The following LYST variants were observed in gnomAD, a reference collection of about 807,000 sequenced individuals.
LYST encodes the protein lysosomal-trafficking regulator.
Under a neutral mutation model 413.6 loss-of-function variants are expected in LYST, and 192 were observed. That is an observed-to-expected ratio of 0.46 (90% confidence interval 0.41 to 0.52). The LOEUF (loss-of-function observed/expected upper bound fraction) is 0.52, where lower values mean the gene tolerates loss of function less well. LYST is among the 20% of genes least tolerant of loss of function. The probability of loss-of-function intolerance (pLI) is 0.00; values close to 1 mark genes in which losing one functional copy is unlikely to be tolerated. For synonymous variants in LYST, 1,525 were observed against 1,567.3 expected, an observed-to-expected ratio of 0.97 and a Z score of 0.64; for missense variants, 3,815 against 4,499.9, an observed-to-expected ratio of 0.85 and a Z score of 4.35.
At chr1:235,805,054 T>A (rs1672660257) in intron 6 of LYST, among the ~76,000 whole-genome samples, 1 of 152,172 alleles carries the variant, frequency 6.6e-6, no homozygotes, top group African/African-American at 2.4e-5. Context: ...AGGCTGGAAC[T>A]GAAGTAGGAA....
intron 1 of LYST, among the ~76,000 whole-genome samples, chr1:235,839,248 C>CAT (rs1219975261): frequency 4.2e-4 from 61 of 144,468 alleles, no homozygotes; most frequent in Admixed American, 7.5e-4. Context: ...TGTATGTGTG[C>CAT]ATATATATAT....
At chr1:235,760,591 T>C (rs1436324072) in intron 22 of LYST, among the ~76,000 whole-genome samples, 7 of 152,124 alleles carry the variant, frequency 4.6e-5, no homozygotes, top group African/African-American at 7.2e-5. Flanking sequence ...ACCTGTGGGA[T>C]TGTTGGGACT....
chr1:235,878,140 TTCACACGTGTTGGC>T (rs958908343), intron 1 of LYST, among the ~76,000 whole-genome samples: 1 of 152,338 alleles, frequency 6.6e-6, no homozygotes, highest in Admixed American at 6.5e-5. Context: ...ATCCTGTCAC[TTCACACGTGTTGGC>T]AAGGTAGGGT....
At chr1:235,802,766 GA>G (rs1672388061) in intron 8 of LYST, 141 bp downstream of exon 8, 1 of 748,520 alleles carries the variant, frequency 1.3e-6, no homozygotes, top group East Asian at 2.7e-5. Context: ...AGACTGTTGG[GA>G]AGATCAATAA....
chr1:235,763,456 T>G (rs528813746), intron 21 of LYST, among the ~76,000 whole-genome samples: 15 of 152,252 alleles, frequency 9.9e-5, no homozygotes, highest in Middle Eastern at 6.8e-3. Flanking sequence ...TTCTACTGAC[T>G]TTTTCCCTTT....
At position 235,661,500 on chromosome 1, in the gene LYST, A is replaced by C. The variant is rs986077718; in HGVS notation, c.*1440T>G. The C allele has an allele frequency of 4.6e-5, 7 of 152,328 alleles. No individual in the cohort carries two copies. Among genetic ancestry groups the C allele is most frequent in the African/African-American group, 1.7e-4 (7 of 41,460 alleles). The allele number at this position is 152,328 out of a possible 1,614,324, so 9.4% of individuals were successfully genotyped here. Reference sequence around the variant, plus strand: ...GCACACGGTGATCTAAATGCAGCCTAGGTATCACTACATGTGTATGCAGTT... The same window carrying C: ...GCACACGGTGATCTAAATGCAGCCTCGGTATCACTACATGTGTATGCAGTT... On this transcript the variant is annotated 3_prime_UTR_variant, in exon 53 of 53. Coordinates refer to ENST00000389793, the MANE Select transcript of LYST (RefSeq NM_000081.4).
At chr1:235,859,536 C>A (rs1197142984) in intron 1 of LYST, among the ~76,000 whole-genome samples, 3 of 150,060 alleles carry the variant, frequency 2.0e-5, no homozygotes, top group Admixed American at 2.0e-4. Context: ...ATATCTGACT[C>A]AGTTTCAACA....
In LYST at chr1:235,733,551, C is replaced by T; in HGVS notation, c.8753G>A (p.Ser2918Asn). 6.2e-7 allele frequency: 1 copy of T among 1,613,992 alleles called. No individual in the cohort carries two copies. Among genetic ancestry groups the T allele is most frequent in the Non-Finnish European group, 8.5e-7 (1 of 1,179,920 alleles). ...AAGTTCCTGCCAATGTCTGCTGGCA[C>T]TCAAATCTACTTTATACATTCCTCT... ...HIRGMYKVDL[S>N]ASRHWQELIQ... Residue 2918 changes from serine (S) to asparagine (N), a missense_variant, in exon 34 of 53, where the codon AGT (serine) becomes AAT (asparagine). Around this residue, in one of 4 missense-constraint regions of LYST, gnomAD observed 866 missense variants for 1,156.0 expected, o/e 0.75. Transcript: ENST00000389793.
In LYST at chr1:235,709,231, G is replaced by A; in HGVS notation, c.10003C>T (p.Arg3335Cys). ...NLPPWARNDP[R>C]LFILIHRQAL... ...TGCCGATGGATGAGGATAAAAAGAC[G>A]AGGATCATTACGCGCCCAAGGGGGA... Residue 3335 changes from arginine to cysteine, a missense_variant, in exon 44 of 53, where the codon CGT becomes TGT. Around this residue, in one of 4 missense-constraint regions of LYST, gnomAD observed 866 missense variants for 1,156.0 expected, o/e 0.75. Coordinates refer to ENST00000389793, the MANE Select transcript of LYST (RefSeq NM_000081.4). 6.2e-7 allele frequency: 1 copy of A among 1,614,130 alleles called. No individual in the cohort carries two copies. The highest frequency in any genetic ancestry group is 1.1e-5 in the South Asian group (1 of 91,084).
intron 1 of LYST, among the ~76,000 whole-genome samples, chr1:235,853,861 A>AT (rs1678848659): frequency 6.6e-6 from 1 of 152,144 alleles, no homozygotes; most frequent in Non-Finnish European, 1.5e-5. Flanking sequence ...CAGGTAGTTC[A>AT]TTTTTCCTAA....
intron 28 of LYST, chr1:235,747,479 T>C: frequency 5.1e-6 from 1 of 195,806 alleles, no homozygotes; most frequent in South Asian, 7.1e-5. Context: ...TGCTCAGTAT[T>C]TTGGGTAATT....
intron 12 of LYST, among the ~76,000 whole-genome samples, 165 bp from the exon 13 acceptor site, chr1:235,789,010 A>T (rs1357111939): frequency 6.6e-6 from 1 of 152,194 alleles, no homozygotes; most frequent in African/African-American, 2.4e-5. Context: ...CAGAGTATAG[A>T]TGTTAACTCC....
intron 45 of LYST, among the ~76,000 whole-genome samples, chr1:235,699,395 T>C (rs1281870081): frequency 6.6e-6 from 1 of 152,216 alleles, no homozygotes; most frequent in Non-Finnish European, 1.5e-5. Flanking sequence ...GCTTCATCCA[T>C]GTCCCTGCAA....
chr1:235,820,897 A>G (rs1350125530), intron 3 of LYST, among the ~76,000 whole-genome samples: 1 of 152,180 alleles, frequency 6.6e-6, no homozygotes, highest in African/African-American at 2.4e-5. Context: ...TTCTAGCTGT[A>G]TAGCTGCAGC....
In LYST at chr1:235,685,005, TG is replaced by T. The variant is rs1460192113; in HGVS notation, c.10800+1943del. On this transcript the variant is annotated intron_variant, in intron 48 of 52. Coordinates refer to ENST00000389793, the MANE Select transcript of LYST (RefSeq NM_000081.4). The stretch of plus-strand genomic sequence containing the variant: ...CCTCAATCTTTTCCTGCCCTGCTTT[TG>T]TCATTCTTCCCCAACACGTTACACT... 2.0e-5 allele frequency among the ~76,000 whole-genome samples: 3 copies of T among 152,180 alleles called. No individual in the cohort carries two copies. The South Asian group carries it at 6.2e-4, about 32-fold the overall frequency.
chr1:235,665,016 ACTCCT>A (rs1658312863), intron 50 of LYST, among the ~76,000 whole-genome samples: 1 of 151,006 alleles, frequency 6.6e-6, no homozygotes, highest in Admixed American at 6.6e-5. Context: ...CTAGTCTTGA[ACTCCT>A]GACCTCAAGT....
At chr1:235,689,734 T>C (rs1367932729) in intron 47 of LYST, among the ~76,000 whole-genome samples, 4 of 152,230 alleles carry the variant, frequency 2.6e-5, no homozygotes, top group Admixed American at 6.5e-5. Context: ...TTTCACAATG[T>C]ATATATACAT....
chr1:235,733,814 A>G lies in LYST; in HGVS notation c.8612+16T>C, dbSNP rs1396502564. 1.3e-6 allele frequency: 2 copies of G among 1,566,486 alleles called. No individual in the cohort carries two copies. The highest frequency in any genetic ancestry group is 1.7e-4 in the Middle Eastern group (1 of 5,950). On this transcript the variant is annotated intron_variant, in intron 33 of 52. Coordinates refer to ENST00000389793, the MANE Select transcript of LYST (RefSeq NM_000081.4). ...GATTCCTAAAATACATGCCTTTGGA[A>G]CATATAAAATCTTACCTTTGTTGAT...
At chr1:235,804,143 T>C (rs1672551534) in intron 7 of LYST, among the ~76,000 whole-genome samples, 1 of 152,152 alleles carries the variant, frequency 6.6e-6, no homozygotes, top group Non-Finnish European at 1.5e-5. Context: ...AAGAACCAGA[T>C]AGGATAGGTA....
Sources: allele counts gnomAD v4.1 joint callset (sites outside exome capture counted in the v4.1 genomes callset), GRCh38; gene constraint gnomAD v4.1.1; regional missense constraint gnomAD v4.1.1; transcripts MANE v1.5; gene names NCBI Gene and HGNC (gene_info 2026-07-23, HGNC 2026-07-21).